Variants in ATF7IP observed in about 807,000 individuals in gnomAD.
The protein encoded by ATF7IP is activating transcription factor 7 interacting protein, also known as activating transcription factor 7-interacting protein 1.
ATF7IP carries 23 observed loss-of-function variants against 106.4 expected under a neutral mutation model. The ratio of observed to expected loss-of-function variants is 0.22; its 90% CI spans 0.16 to 0.31. ATF7IP has a LOEUF of 0.31. ATF7IP is among the 10% of genes least tolerant of loss of function. The pLI is 1.00. For missense variants in ATF7IP, 1,334 were observed against 1,524.3 expected, an observed-to-expected ratio of 0.88 and a Z score of 2.08; for synonymous variants, 542 against 539.0, an observed-to-expected ratio of 1.01 and a Z score of -0.08.
At position 14,429,657 on chromosome 12, in the gene ATF7IP, T is replaced by C. The variant is rs745548383; in HGVS notation, c.1558+4184T>C. 8.5e-4 allele frequency among the ~76,000 whole-genome samples: 129 copies of C among 152,300 alleles called. 1 individual carries two copies. The highest frequency in any genetic ancestry group is 4.6e-3 in the Admixed American group (70 of 15,298). ...GACTTCCTTCTATTTTTGCTGTAGG[T>C]TAGTATTGATAGAATTGGCATGATT... On this transcript the variant is annotated intron_variant, in intron 2 of 14. Coordinates refer to ENST00000261168, the MANE Select transcript of ATF7IP (RefSeq NM_018179.5).
chr12:14,458,361 T>C (rs1943512931), intron 8 of ATF7IP, among the ~76,000 whole-genome samples: 1 of 152,216 alleles, frequency 6.6e-6, no homozygotes, highest in Non-Finnish European at 1.5e-5. Context: ...GGCTGAAGCA[T>C]ATGAAAGAAA....
chr12:14,382,129 A>G (rs1042007574), intron 1 of ATF7IP, among the ~76,000 whole-genome samples: 2 of 152,164 alleles, frequency 1.3e-5, no homozygotes, highest in Non-Finnish European at 2.9e-5. Flanking sequence ...GAGCCCAGAA[A>G]GTTGAGGCTG....
In ATF7IP at chr12:14,468,200, G is replaced by A. The variant is rs1341201577; in HGVS notation, c.2862+1610G>A. Among the ~76,000 whole-genome samples the A allele has an allele frequency of 5.3e-5, 8 of 151,082 alleles. No individual in the cohort carries two copies. In the South Asian group the frequency reaches 8.4e-4, roughly 16 times the overall value. On this transcript the variant is annotated intron_variant, in intron 10 of 14. Coordinates refer to ENST00000261168, the MANE Select transcript of ATF7IP (RefSeq NM_018179.5). ...GAGAATTGCTGGAACCCAGGAGGGC[G>A]GAGGTTGCAGTGAGCTGAGATCATA...
chr12:14,400,399 T>C (rs1940125870), intron 1 of ATF7IP, among the ~76,000 whole-genome samples: 1 of 152,170 alleles, frequency 6.6e-6, no homozygotes, highest in African/African-American at 2.4e-5. Context: ...GACTTTGTTA[T>C]TTCAGTTTCA....
intron 2 of ATF7IP, among the ~76,000 whole-genome samples, chr12:14,428,128 TATAA>T (rs1385163302): frequency 6.6e-6 from 1 of 151,816 alleles, no homozygotes; most frequent in African/African-American, 2.4e-5. Context: ...AAAAAAGCCT[TATAA>T]GTCCTTTAAA....
intron 13 of ATF7IP, among the ~76,000 whole-genome samples, chr12:14,489,658 C>T (rs1944742718): frequency 6.6e-6 from 1 of 152,106 alleles, no homozygotes; most frequent in Non-Finnish European, 1.5e-5. Flanking sequence ...AGTATTGTCA[C>T]CTAGTTGGCA....
At chr12:14,421,429 C>T (rs1005714996) in intron 1 of ATF7IP, among the ~76,000 whole-genome samples, 1 of 152,084 alleles carries the variant, frequency 6.6e-6, no homozygotes, top group Non-Finnish European at 1.5e-5. Flanking sequence ...TGCCATTCTC[C>T]CTCTGAGGGT....
intron 1 of ATF7IP, among the ~76,000 whole-genome samples, chr12:14,379,372 T>G (rs1471446574): frequency 6.6e-6 from 1 of 152,194 alleles, no homozygotes; most frequent in East Asian, 1.9e-4. Context: ...AGCAGAATTG[T>G]GAGCCAATTA....
At chr12:14,484,434 A>T (rs894673008) in intron 13 of ATF7IP, among the ~76,000 whole-genome samples, 2 of 152,130 alleles carry the variant, frequency 1.3e-5, no homozygotes, top group African/African-American at 2.4e-5. Flanking sequence ...TTTTGTTACA[A>T]CCCATAAATA....
At chr12:14,380,770 C>T (rs1212260736) in intron 1 of ATF7IP, among the ~76,000 whole-genome samples, 1 of 152,192 alleles carries the variant, frequency 6.6e-6, no homozygotes, top group Admixed American at 6.5e-5. Flanking sequence ...CAGGTGTGTG[C>T]CACCACGCCC....
intron 5 of ATF7IP, among the ~76,000 whole-genome samples, chr12:14,442,653 T>C (rs1205004555): frequency 2.6e-5 from 4 of 152,216 alleles, no homozygotes; most frequent in Non-Finnish European, 4.4e-5. Flanking sequence ...GCTTAATATG[T>C]TTTAGTATAA....
chr12:14,485,082 C>G (rs562179304), intron 13 of ATF7IP, among the ~76,000 whole-genome samples: 67 of 152,250 alleles, frequency 4.4e-4, no homozygotes, highest in South Asian at 2.9e-3. Context: ...CAAAGGCTCT[C>G]ACAGCATCCC....
chr12:14,430,923 A>G (rs1942085415), intron 2 of ATF7IP, among the ~76,000 whole-genome samples: 1 of 152,234 alleles, frequency 6.6e-6, no homozygotes, highest in South Asian at 2.1e-4. Flanking sequence ...GACAGAGGTC[A>G]TGTGGCCCAC....
intron 1 of ATF7IP, among the ~76,000 whole-genome samples, chr12:14,370,793 A>T (rs918729903): frequency 6.6e-6 from 1 of 152,126 alleles, no homozygotes; most frequent in African/African-American, 2.4e-5. Context: ...TTAGGACATG[A>T]TGACATAAAA....
chr12:14,377,781 T>C (rs1187856148), intron 1 of ATF7IP, among the ~76,000 whole-genome samples: 1 of 151,740 alleles, frequency 6.6e-6, no homozygotes, highest in Non-Finnish European at 1.5e-5. Context: ...ACCAAGCTTA[T>C]TTTTCTATTT....
In ATF7IP at chr12:14,424,730, G is replaced by T. The variant is rs771454308; in HGVS notation, c.815G>T (p.Gly272Val). The T allele has an allele frequency of 6.2e-7, 1 of 1,614,114 alleles. No homozygotes were observed. The highest frequency in any genetic ancestry group is 1.7e-5 in the Admixed American group (1 of 60,000). The change falls in exon 2 of 15, where the codon GGT becomes GTT. Residue 272 changes from glycine (G) to valine (V), a missense_variant. Physicochemically the swap from Gly to Val is moderately radical, Grantham distance 109 (BLOSUM62 -3). Around this residue, in one of 10 missense-constraint regions of ATF7IP, gnomAD observed 438 missense variants for 405.3 expected, o/e 1.08. Coordinates refer to ENST00000261168, the MANE Select transcript of ATF7IP (RefSeq NM_018179.5). ...SELASDDLAT[G>V]ELASDELTSE... Reference sequence around the variant, plus strand: ...CTGGCCTCTGATGATCTGGCCACTGGTGAACTGGCCTCTGATGAGCTGACT... The same window carrying T: ...CTGGCCTCTGATGATCTGGCCACTGTTGAACTGGCCTCTGATGAGCTGACT...
rs999564945 is a variant in ATF7IP, at chr12:14,377,259, T to C, written c.-8+11432T>C. ...ATCTGCCTGCTTCGGCCTCCCAAAG[T>C]GCTGTGGTTATAGATGTGAGCCACT... On this transcript the variant is annotated intron_variant, in intron 1 of 14. Coordinates refer to ENST00000261168, the MANE Select transcript of ATF7IP (RefSeq NM_018179.5). 2.0e-5 allele frequency among the ~76,000 whole-genome samples: 3 copies of C among 152,066 alleles called. No homozygotes were observed. The South Asian group carries it at 6.2e-4, about 32-fold the overall frequency.
intron 1 of ATF7IP, among the ~76,000 whole-genome samples, chr12:14,398,208 C>T (rs765689779): frequency 5.3e-4 from 81 of 151,716 alleles, no homozygotes; most frequent in Non-Finnish European, 1.1e-3. Context: ...ATTGTAATTC[C>T]ATGCTTTGGG....
intron 1 of ATF7IP, among the ~76,000 whole-genome samples, chr12:14,376,053 G>T (rs930650653): frequency 6.6e-6 from 1 of 152,072 alleles, no homozygotes; most frequent in Non-Finnish European, 1.5e-5. Context: ...AAAAACAAAC[G>T]GGTATTTAAA....
Sources: allele counts gnomAD v4.1 joint callset (sites outside exome capture counted in the v4.1 genomes callset), GRCh38; gene constraint gnomAD v4.1.1; regional missense constraint gnomAD v4.1.1; transcripts MANE v1.5; gene names NCBI Gene and HGNC (gene_info 2026-07-23, HGNC 2026-07-21).